TMED3: variants seen among roughly 807,000 people sequenced by gnomAD.
TMED3 encodes transmembrane p24 trafficking protein 3.
In TMED3, 9 loss-of-function variants were observed where a neutral mutation model predicts 15.0. The ratio of observed to expected loss-of-function variants is 0.60; its 90% confidence interval spans 0.36 to 1.04. The LOEUF (loss-of-function observed/expected upper bound fraction) is 1.04, where lower values mean the gene tolerates loss of function less well. Ranked by LOEUF, TMED3 falls within the 50% of genes least tolerant of loss-of-function variation. The pLI is 0.01. For synonymous variants in TMED3, 117 were observed against 121.4 expected (o/e 0.96, Z 0.24); for missense variants, 267 against 278.9 (o/e 0.96, Z 0.30).
exon 3 of TMED3, chr15:79,413,614 C>G (rs1894024853): frequency 6.6e-6 from 1 of 152,210 alleles, no homozygotes; most frequent in Non-Finnish European, 1.5e-5. Context: ...TTCATTTGAA[C>G]ATAGATCATG....
intron 2 of TMED3, among the ~76,000 whole-genome samples, chr15:79,405,942 T>A (rs1234392980): frequency 6.6e-6 from 1 of 152,228 alleles, no homozygotes; most frequent in African/African-American, 2.4e-5. Flanking sequence ...AGAACTTATT[T>A]GCCAGCTCAA....
intron 2 of TMED3, among the ~76,000 whole-genome samples, chr15:79,399,413 ATTGT>A (rs1484270938): frequency 2.0e-5 from 3 of 152,194 alleles, no homozygotes; most frequent in Non-Finnish European, 4.4e-5. Flanking sequence ...CGAGTTGATC[ATTGT>A]TTGTGTGAGT....
chr15:79,311,203 G>C lies in TMED3; in HGVS notation c.-47G>C. On this transcript the variant is annotated 5_prime_UTR_variant, in exon 1 of 3. Coordinates refer to ENST00000299705, the MANE Select transcript of TMED3 (RefSeq NM_007364.4). The stretch of plus-strand genomic sequence containing the variant: ...GGTAGTCGTCGCCCCAGCCCGCCGG[G>C]GGCGCAGCGCCCGAGCCGCGGCCCT... 2.6e-6 allele frequency: 4 copies of C among 1,545,790 alleles called. No homozygotes were observed. Among genetic ancestry groups the C allele is most frequent in the Non-Finnish European group, 3.5e-6 (4 of 1,152,822 alleles).
At chr15:79,411,296 G>C in intron 2 of TMED3, 1 of 631,650 alleles carries the variant, frequency 1.6e-6, no homozygotes, top group Non-Finnish European at 2.9e-6. Context: ...AAAGGGGCTA[G>C]GCAATCAACA....
chr15:79,352,673 A>AAAT (rs386383572), intron 2 of TMED3, among the ~76,000 whole-genome samples: 2,229 of 141,730 alleles, frequency 0.016, 38 homozygotes, highest in Admixed American at 0.042. Flanking sequence ...AGAAAAAAAA[A>AAAT]ATATATATAT....
intron 2 of TMED3, among the ~76,000 whole-genome samples, chr15:79,341,520 G>A (rs929090826): frequency 9.8e-5 from 15 of 152,330 alleles, no homozygotes; most frequent in East Asian, 5.8e-4. Context: ...ATGGCCAGGC[G>A]TAGGTTTTTA....
intron 2 of TMED3, among the ~76,000 whole-genome samples, chr15:79,372,811 C>T (rs10438380): frequency 0.033 from 5,012 of 152,290 alleles, 266 homozygotes; most frequent in African/African-American, 0.11. Flanking sequence ...GTTCAGTTCC[C>T]AGCTAGGTAG....
At chr15:79,348,248 A>G (rs7164182) in intron 2 of TMED3, among the ~76,000 whole-genome samples, 14,237 of 152,254 alleles carry the variant, frequency 0.094, 708 homozygotes, top group Admixed American at 0.12. Flanking sequence ...TCACACAGAT[A>G]GTGGCCTGCA....
intron 2 of TMED3, among the ~76,000 whole-genome samples, chr15:79,377,888 C>T (rs186737829): frequency 2.6e-5 from 4 of 152,280 alleles, no homozygotes; most frequent in Admixed American, 6.5e-5. Flanking sequence ...CCTCATGATC[C>T]GCCCGCCTTG....
intron 2 of TMED3, among the ~76,000 whole-genome samples, chr15:79,389,818 A>G (rs765109852): frequency 1.3e-5 from 2 of 151,954 alleles, no homozygotes; most frequent in Non-Finnish European, 2.9e-5. Flanking sequence ...TTAGTTGGGT[A>G]TATTCCTAAG....
At chr15:79,400,878 A>G (rs1893824887) in intron 2 of TMED3, among the ~76,000 whole-genome samples, 1 of 152,234 alleles carries the variant, frequency 6.6e-6, no homozygotes, top group African/African-American at 2.4e-5. Flanking sequence ...GACAGCTATT[A>G]TCATGAGAAT....
At chr15:79,412,079 GC>G (rs1241128843) in exon 3 of TMED3, 1 of 139,936 alleles carries the variant, frequency 7.1e-6, no homozygotes. Flanking sequence ...CACCATGTTT[GC>G]CAGTGCAGTA....
intron 2 of TMED3, among the ~76,000 whole-genome samples, chr15:79,332,447 G>A (rs530835405): frequency 6.6e-6 from 1 of 152,324 alleles, no homozygotes; most frequent in African/African-American, 2.4e-5. Flanking sequence ...GGAGTAGAGG[G>A]CAATTGGGGC....
intron 2 of TMED3, among the ~76,000 whole-genome samples, chr15:79,408,547 A>T (rs879895305): frequency 6.6e-6 from 1 of 152,218 alleles, no homozygotes; most frequent in Non-Finnish European, 1.5e-5. Context: ...AACTTCAGGG[A>T]TGCCTAAATG....
intron 2 of TMED3, among the ~76,000 whole-genome samples, chr15:79,370,774 G>C (rs1036324188): frequency 2.6e-5 from 4 of 152,188 alleles, no homozygotes; most frequent in African/African-American, 9.7e-5. Flanking sequence ...TCTTAAATGG[G>C]AGGGAATGTT....
chr15:79,344,970 A>T (rs138533009), intron 2 of TMED3, among the ~76,000 whole-genome samples: 250 of 152,296 alleles, frequency 1.6e-3, no homozygotes, highest in Non-Finnish European at 3.1e-3. Flanking sequence ...ACAGAGCAGC[A>T]TATGGGAATT....
intron 2 of TMED3, among the ~76,000 whole-genome samples, chr15:79,404,964 T>C (rs1296843536): frequency 6.6e-6 from 1 of 152,186 alleles, no homozygotes; most frequent in Non-Finnish European, 1.5e-5. Context: ...AGGCCACGGG[T>C]ATAAGTTGAG....
At chr15:79,320,744 C>T (rs1169657299) in intron 2 of TMED3, among the ~76,000 whole-genome samples, 3 of 152,170 alleles carry the variant, frequency 2.0e-5, no homozygotes, top group South Asian at 2.1e-4. Flanking sequence ...TGCTGAGTAA[C>T]TAATTACTAC....
intron 2 of TMED3, among the ~76,000 whole-genome samples, chr15:79,376,019 G>T (rs1893418122): frequency 6.6e-6 from 1 of 150,450 alleles, no homozygotes; most frequent in African/African-American, 2.5e-5. Context: ...CTTCTACTAT[G>T]CCTCCTTTGC....
Sources: allele counts gnomAD v4.1 joint callset (sites outside exome capture counted in the v4.1 genomes callset), GRCh38; gene constraint gnomAD v4.1.1; transcripts MANE v1.5; gene names NCBI Gene and HGNC (gene_info 2026-07-23, HGNC 2026-07-21).